Variants in CSMD1 observed in about 807,000 individuals in gnomAD.
CSMD1 encodes the protein CUB and sushi domain-containing protein 1.
A neutral mutation model predicts 417.5 loss-of-function variants in CSMD1; 213 were observed. The ratio of observed to expected loss-of-function variants is 0.51; its 90% CI spans 0.46 to 0.57. The LOEUF (loss-of-function observed/expected upper bound fraction) is 0.57, where lower values mean the gene tolerates loss of function less well. Ranked by LOEUF, CSMD1 falls within the 20% of genes least tolerant of loss-of-function variation. The pLI is 0.00. For synonymous variants in CSMD1, 2,862 were observed against 1,736.8 expected (o/e 1.65, Z -16.11); for missense variants, 6,923 against 4,529.7 (o/e 1.53, Z -15.17).
chr8:3,859,726 C>G (rs1316763155), intron 5 of CSMD1, among the ~76,000 whole-genome samples: 2 of 152,246 alleles, frequency 1.3e-5, no homozygotes, highest in South Asian at 2.1e-4. Context: ...ACTCTGGACA[C>G]AGAAACCCGG....
chr8:3,429,414 A>T (rs1814066269), intron 12 of CSMD1, among the ~76,000 whole-genome samples: 5 of 152,194 alleles, frequency 3.3e-5, no homozygotes, highest in African/African-American at 1.2e-4. Context: ...TTCCACACAG[A>T]GGTAGTGACC....
intron 1 of CSMD1, among the ~76,000 whole-genome samples, chr8:4,932,475 C>T (rs934004659): frequency 1.3e-5 from 2 of 152,114 alleles, no homozygotes; most frequent in African/African-American, 2.4e-5. Flanking sequence ...TAATATACTA[C>T]CTCATTAAGG....
chr8:3,945,651 G>A (rs917531464), intron 5 of CSMD1, among the ~76,000 whole-genome samples: 1 of 152,032 alleles, frequency 6.6e-6, no homozygotes, highest in Non-Finnish European at 1.5e-5. Context: ...TAAGCCTGAT[G>A]TATTATTTTA....
chr8:4,984,499 C>A (rs537461437), intron 1 of CSMD1, among the ~76,000 whole-genome samples: 1 of 152,304 alleles, frequency 6.6e-6, no homozygotes, highest in East Asian at 1.9e-4. Flanking sequence ...TTTCAACTGG[C>A]CCTCACTGAG....
chr8:4,617,560 G>C (rs1311375425), intron 2 of CSMD1, among the ~76,000 whole-genome samples: 1 of 152,104 alleles, frequency 6.6e-6, no homozygotes, highest in Admixed American at 6.6e-5. Context: ...CATCATGGTG[G>C]CGCTCTCCTT....
chr8:3,576,648 C>T (rs899655580), intron 9 of CSMD1, among the ~76,000 whole-genome samples: 13 of 152,096 alleles, frequency 8.5e-5, no homozygotes, highest in Admixed American at 6.5e-4. Context: ...ACTGGGTTTC[C>T]GAAACTCAGT....
At chr8:3,441,585 A>C (rs1158294677) in intron 12 of CSMD1, among the ~76,000 whole-genome samples, 1 of 151,746 alleles carries the variant, frequency 6.6e-6, no homozygotes, top group African/African-American at 2.4e-5. Context: ...CAATGGTCCC[A>C]TAAGATTATA....
At chr8:4,160,582 G>T (rs1310683937) in intron 3 of CSMD1, among the ~76,000 whole-genome samples, 3 of 152,334 alleles carry the variant, frequency 2.0e-5, no homozygotes, top group African/African-American at 7.2e-5. Flanking sequence ...CTTGCATGAG[G>T]CTGAAGCCTC....
chr8:4,325,218 G>C (rs964543554), intron 3 of CSMD1, among the ~76,000 whole-genome samples: 1 of 152,186 alleles, frequency 6.6e-6, no homozygotes, highest in Admixed American at 6.6e-5. Context: ...TACATTTCCA[G>C]GGATTCCCCT....
In CSMD1 at chr8:4,112,190, A is replaced by C. The variant is rs143429319; in HGVS notation, c.416-80091T>G. On this transcript the variant is annotated intron_variant, in intron 3 of 69. Coordinates refer to ENST00000635120, the MANE Select transcript of CSMD1 (RefSeq NM_033225.6). Reference sequence around the variant, plus strand: ...GGGCAGTCTATAGCTGCTGAGCCATAATTATCAAGAACCAGTAACACCTCT... The same window carrying C: ...GGGCAGTCTATAGCTGCTGAGCCATCATTATCAAGAACCAGTAACACCTCT... Among the ~76,000 whole-genome samples the C allele has an allele frequency of 8.5e-5, 13 of 152,276 alleles. No individual in the cohort carries two copies. In the East Asian group the frequency reaches 2.3e-3, roughly 27 times the overall value.
intron 8 of CSMD1, among the ~76,000 whole-genome samples, chr8:3,591,810 T>C (rs1026119673): frequency 3.3e-5 from 5 of 149,600 alleles, no homozygotes; most frequent in African/African-American, 1.2e-4. Context: ...GAAAGATGGA[T>C]AGACAGTGGA....
chr8:3,014,831 A>C (rs918457871), intron 52 of CSMD1, among the ~76,000 whole-genome samples: 2 of 151,988 alleles, frequency 1.3e-5, no homozygotes, highest in African/African-American at 2.4e-5. Flanking sequence ...TGGGAGGAGC[A>C]CTTGAGTCCA....
Position 3,242,213 on chromosome 8 carries a change from G to T in CSMD1, c.4154-11982C>A, listed in dbSNP as rs570338274. On this transcript the variant is annotated intron_variant, in intron 26 of 69. Coordinates refer to ENST00000635120, the MANE Select transcript of CSMD1 (RefSeq NM_033225.6). ...TGAAACAGTAAGCTGGACCAGGTGT[G>T]AGGAGGGGAGGTGATAAAAGGATTA... 2.0e-5 allele frequency among the ~76,000 whole-genome samples: 3 copies of T among 152,066 alleles called. No individual in the cohort carries two copies. The East Asian group carries it at 5.8e-4, about 29-fold the overall frequency.
chr8:3,569,808 T>C (rs991804127), intron 10 of CSMD1, among the ~76,000 whole-genome samples: 3 of 152,166 alleles, frequency 2.0e-5, no homozygotes, highest in African/African-American at 7.2e-5. Context: ...TGAGATGCCT[T>C]CAGGTGTCTA....
intron 10 of CSMD1, among the ~76,000 whole-genome samples, chr8:3,567,218 T>G (rs1585381584): frequency 6.6e-6 from 1 of 152,006 alleles, no homozygotes; most frequent in Non-Finnish European, 1.5e-5. Flanking sequence ...CACCAAATGG[T>G]GAAAGTACAT....
chr8:4,926,961 A>G (rs1806910531), intron 1 of CSMD1, among the ~76,000 whole-genome samples: 1 of 152,150 alleles, frequency 6.6e-6, no homozygotes, highest in Admixed American at 6.5e-5. Flanking sequence ...ACTAAAAAGC[A>G]TTCAGCTAGA....
intron 23 of CSMD1, among the ~76,000 whole-genome samples, chr8:3,320,718 G>C (rs1010760733): frequency 6.6e-6 from 1 of 152,124 alleles, no homozygotes; most frequent in African/African-American, 2.4e-5. Flanking sequence ...TGCTGAGTGG[G>C]TGACTGCCAT....
At chr8:3,675,902 T>C (rs924150310) in intron 7 of CSMD1, among the ~76,000 whole-genome samples, 5 of 152,210 alleles carry the variant, frequency 3.3e-5, no homozygotes, top group African/African-American at 1.2e-4. Context: ...GCTGAAGTTC[T>C]CTCTCAGCAC....
chr8:4,803,670 A>T (rs1425847096), intron 1 of CSMD1, among the ~76,000 whole-genome samples: 1 of 152,246 alleles, frequency 6.6e-6, no homozygotes, highest in Non-Finnish European at 1.5e-5. Flanking sequence ...AAAACATATC[A>T]GTAAAATAAA....
Sources: allele counts gnomAD v4.1 joint callset (sites outside exome capture counted in the v4.1 genomes callset), GRCh38; gene constraint gnomAD v4.1.1; transcripts MANE v1.5; gene names NCBI Gene and HGNC (gene_info 2026-07-23, HGNC 2026-07-21).